OXR1: variants seen among roughly 807,000 people sequenced by gnomAD.
OXR1 encodes oxidation resistance 1, also known as oxidation resistance protein 1.
Under a neutral mutation model 104.6 loss-of-function variants are expected in OXR1, and 41 were observed. The observed-to-expected ratio is 0.39, with a 90% CI of 0.31 to 0.51. The LOEUF (loss-of-function observed/expected upper bound fraction) is 0.51. OXR1 is among the 20% of genes least tolerant of loss of function. OXR1 has a pLI of 0.77. For synonymous variants in OXR1, 348 were observed against 348.4 expected (o/e 1.00, Z 0.01); for missense variants, 955 against 1,031.9 (o/e 0.93, Z 1.02).
intron 3 of OXR1, among the ~76,000 whole-genome samples, chr8:106,567,967 T>C (rs1050169565): frequency 2.6e-5 from 4 of 152,110 alleles, no homozygotes; most frequent in Non-Finnish European, 5.9e-5. Context: ...CATTCCTCTT[T>C]AGTACTAGAT....
At chr8:106,594,663 G>A (rs890156976) in intron 3 of OXR1, among the ~76,000 whole-genome samples, 1 of 152,130 alleles carries the variant, frequency 6.6e-6, no homozygotes, top group African/African-American at 2.4e-5. Flanking sequence ...ATAAGAGGAG[G>A]CGACCAGCAA....
At chr8:106,273,475 G>A (rs1450833523) in intron 1 of OXR1, among the ~76,000 whole-genome samples, 1 of 152,190 alleles carries the variant, frequency 6.6e-6, no homozygotes, top group African/African-American at 2.4e-5. Flanking sequence ...CAACTTTGGG[G>A]GAGAGGTGCT....
chr8:106,378,410 G>A (rs1404104663), intron 2 of OXR1, among the ~76,000 whole-genome samples: 2 of 152,144 alleles, frequency 1.3e-5, no homozygotes, highest in East Asian at 1.9e-4. Flanking sequence ...CTGTCATCTC[G>A]TTGCTTCCCC....
intron 3 of OXR1, among the ~76,000 whole-genome samples, chr8:106,673,700 G>A (rs1827275556): frequency 2.0e-5 from 3 of 152,160 alleles, no homozygotes; most frequent in Admixed American, 2.0e-4. Flanking sequence ...GAAAAAAATG[G>A]TTTCATGGGC....
intron 2 of OXR1, among the ~76,000 whole-genome samples, chr8:106,453,677 C>T (rs1372321154): frequency 6.6e-6 from 1 of 152,218 alleles, no homozygotes; most frequent in Non-Finnish European, 1.5e-5. Flanking sequence ...TTCTTAAACT[C>T]TCATGGTGGC....
chr8:106,641,792 G>GT (rs1823656984), intron 3 of OXR1, among the ~76,000 whole-genome samples: 1 of 152,114 alleles, frequency 6.6e-6, no homozygotes, highest in Non-Finnish European at 1.5e-5. Context: ...CTGTGAAAGA[G>GT]TATCAGGCCA....
At chr8:106,397,783 C>T (rs766130715) in intron 2 of OXR1, among the ~76,000 whole-genome samples, 11 of 152,014 alleles carry the variant, frequency 7.2e-5, no homozygotes, top group South Asian at 6.2e-4. Context: ...AGTTAGATAT[C>T]GAGTTGTACC....
chr8:106,378,594 C>G (rs1362410861), intron 2 of OXR1, among the ~76,000 whole-genome samples: 1 of 152,202 alleles, frequency 6.6e-6, no homozygotes, highest in African/African-American at 2.4e-5. Flanking sequence ...ACCACAACTT[C>G]TGACACCCAG....
intron 1 of OXR1, among the ~76,000 whole-genome samples, chr8:106,271,541 T>A (rs1329603122): frequency 1.3e-5 from 2 of 151,448 alleles, no homozygotes; most frequent in Non-Finnish European, 2.9e-5. Context: ...CAGCGGGGCG[T>A]GTGTGTGCGT....
At chr8:106,699,039 G>A (rs1463780468) in intron 7 of OXR1, among the ~76,000 whole-genome samples, 1 of 151,976 alleles carries the variant, frequency 6.6e-6, no homozygotes, top group South Asian at 2.1e-4. Flanking sequence ...TTATTTCTTT[G>A]ATGATCACTT....
chr8:106,646,062 T>C (rs963819635), intron 3 of OXR1, among the ~76,000 whole-genome samples: 6 of 152,104 alleles, frequency 3.9e-5, no homozygotes, highest in African/African-American at 1.4e-4. Context: ...TTTAGGTTTT[T>C]CCAATATTAT....
chr8:106,655,479 ATAAT>A (rs1824972153), intron 3 of OXR1, among the ~76,000 whole-genome samples: 2 of 152,148 alleles, frequency 1.3e-5, no homozygotes, highest in Admixed American at 6.5e-5. Context: ...CACAGACAAC[ATAAT>A]TAGACTATCA....
chr8:106,678,409 T>G (rs2131205487), intron 3 of OXR1, among the ~76,000 whole-genome samples: 1 of 152,196 alleles, frequency 6.6e-6, no homozygotes, highest in South Asian at 2.1e-4. Flanking sequence ...AAATGTAGCA[T>G]TTTGCCATGT....
chr8:106,631,505 T>C (rs1239655182), intron 3 of OXR1, among the ~76,000 whole-genome samples: 1 of 152,214 alleles, frequency 6.6e-6, no homozygotes, highest in African/African-American at 2.4e-5. Context: ...ATTAGTCTTT[T>C]GTTTAGCTGC....
intron 2 of OXR1, among the ~76,000 whole-genome samples, chr8:106,513,008 C>T (rs1287054203): frequency 6.6e-6 from 1 of 152,090 alleles, no homozygotes; most frequent in Non-Finnish European, 1.5e-5. Flanking sequence ...TACGTTCATT[C>T]ATTTAAGCCA....
chr8:106,724,164 T>C (rs1486755949), intron 11 of OXR1, among the ~76,000 whole-genome samples: 1 of 152,194 alleles, frequency 6.6e-6, no homozygotes, highest in Non-Finnish European at 1.5e-5. Flanking sequence ...AGATATAAGG[T>C]AATTTAATAA....
In OXR1 at chr8:106,270,216, C is replaced by T. The variant is rs1046537024; in HGVS notation, c.-290C>T. On this transcript the variant is annotated 5_prime_UTR_variant, in exon 1 of 17. Transcript: ENST00000517566. ...CTCAGCGGCGCCGGCAGCAGCGGGG[C>T]TAGAGCTGGGCTGCGTCAGGCTGAG... 2.0e-5 allele frequency: 3 copies of T among 152,192 alleles called. No homozygotes were observed. Among genetic ancestry groups the T allele is most frequent in the African/African-American group, 7.2e-5 (3 of 41,450 alleles). 9.4% of individuals were successfully genotyped at this position (152,192 alleles called of 1,614,324 possible).
At chr8:106,657,715 C>A in intron 3 of OXR1, 1 of 521,240 alleles carries the variant, frequency 1.9e-6, no homozygotes, top group Non-Finnish European at 2.8e-6. Context: ...ATGTGACAAG[C>A]TAAGTTCTGC....
intron 2 of OXR1, among the ~76,000 whole-genome samples, chr8:106,478,487 A>T (rs1821924946): frequency 6.6e-6 from 1 of 151,868 alleles, no homozygotes; most frequent in South Asian, 2.1e-4. Flanking sequence ...CTCATGGTTG[A>T]ATTCTTTTGT....
Sources: allele counts gnomAD v4.1 joint callset (sites outside exome capture counted in the v4.1 genomes callset), GRCh38; gene constraint gnomAD v4.1.1; transcripts MANE v1.5; gene names NCBI Gene and HGNC (gene_info 2026-07-23, HGNC 2026-07-21).